The following OPCML variants were observed in gnomAD, a reference collection of about 807,000 sequenced individuals.
The protein encoded by OPCML is opioid-binding protein/cell adhesion molecule.
Under a neutral mutation model 37.8 loss-of-function variants are expected in OPCML, and 13 were observed. The ratio of observed to expected loss-of-function variants is 0.34; its 90% CI spans 0.22 to 0.55. The LOEUF (loss-of-function observed/expected upper bound fraction) is 0.55. Ranked by LOEUF, OPCML falls within the 20% of genes least tolerant of loss-of-function variation. The probability of loss-of-function intolerance (pLI) is 0.91; values close to 1 mark genes in which losing one functional copy is unlikely to be tolerated. For missense variants in OPCML, 341 were observed against 435.6 expected (o/e 0.78, Z 1.93); for synonymous variants, 176 against 168.8 (o/e 1.04, Z -0.33).
At chr11:132,879,451 G>T (rs1215591458) in intron 2 of OPCML, among the ~76,000 whole-genome samples, 1 of 152,166 alleles carries the variant, frequency 6.6e-6, no homozygotes, top group Non-Finnish European at 1.5e-5. Context: ...AAGATGAGGT[G>T]TTATTACAAT....
intron 4 of OPCML, among the ~76,000 whole-genome samples, chr11:132,461,120 T>C (rs1012833248): frequency 1.3e-5 from 2 of 151,930 alleles, no homozygotes; most frequent in Non-Finnish European, 2.9e-5. Flanking sequence ...AAGTATTTGG[T>C]ATTTGGTCTT....
chr11:132,484,027 A>C (rs2096190602), intron 4 of OPCML, among the ~76,000 whole-genome samples: 1 of 152,178 alleles, frequency 6.6e-6, no homozygotes, highest in African/African-American at 2.4e-5. Flanking sequence ...CATGTCTAAA[A>C]CACCAAAAGC....
intron 1 of OPCML, among the ~76,000 whole-genome samples, chr11:133,528,299 G>A (rs1318238281): frequency 6.6e-6 from 1 of 152,184 alleles, no homozygotes; most frequent in Non-Finnish European, 1.5e-5. Flanking sequence ...TTAACATGTC[G>A]ATCATTTTTA....
Position 132,418,658 on chromosome 11 carries a change from A to G in OPCML, c.*1535T>C, listed in dbSNP as rs1474992975. The G allele has an allele frequency of 6.6e-6, 1 of 152,544 alleles. No individual in the cohort carries two copies. The highest frequency in any genetic ancestry group is 1.5e-5 in the Non-Finnish European group (1 of 68,038). The allele number at this position is 152,544 out of a possible 1,614,324, so 9.4% of individuals were successfully genotyped here. On this transcript the variant is annotated 3_prime_UTR_variant, in exon 8 of 8. Coordinates refer to ENST00000524381, the MANE Select transcript of OPCML (RefSeq NM_001012393.5). ...TGTAATTGGCCTCCATCAGCTTTTTACTGGATAGTTTTCAAACAGATTAAA... is the reference window on the plus strand; with the variant it reads ...TGTAATTGGCCTCCATCAGCTTTTTGCTGGATAGTTTTCAAACAGATTAAA...
At chr11:132,693,180 A>G (rs1943470988) in intron 2 of OPCML, among the ~76,000 whole-genome samples, 1 of 152,200 alleles carries the variant, frequency 6.6e-6, no homozygotes, top group Non-Finnish European at 1.5e-5. Flanking sequence ...GTACAAGAGC[A>G]AATAAGGATA....
chr11:132,673,311 C>T (rs772656114), intron 2 of OPCML, among the ~76,000 whole-genome samples: 1 of 152,034 alleles, frequency 6.6e-6, no homozygotes, highest in South Asian at 2.1e-4. Flanking sequence ...TGATGATGAT[C>T]GTGATGGTGG....
chr11:132,803,994 A>G (rs1938844499), intron 2 of OPCML, among the ~76,000 whole-genome samples: 1 of 152,244 alleles, frequency 6.6e-6, no homozygotes, highest in African/African-American at 2.4e-5. Flanking sequence ...CATTACATAA[A>G]TAATTTTCAC....
intron 1 of OPCML, among the ~76,000 whole-genome samples, chr11:133,033,906 T>C (rs1357469350): frequency 6.6e-6 from 1 of 151,414 alleles, no homozygotes; most frequent in East Asian, 2.0e-4. Flanking sequence ...TGGTTCAAAA[T>C]TAAGTAATTT....
At chr11:132,681,297 C>A (rs574563836) in intron 2 of OPCML, among the ~76,000 whole-genome samples, 1 of 152,264 alleles carries the variant, frequency 6.6e-6, no homozygotes, top group Non-Finnish European at 1.5e-5. Context: ...CAAAACCATC[C>A]CTGGCCTGCC....
intron 1 of OPCML, among the ~76,000 whole-genome samples, chr11:133,357,094 C>T (rs901909794): frequency 2.0e-5 from 3 of 152,198 alleles, no homozygotes; most frequent in Non-Finnish European, 4.4e-5. Flanking sequence ...GGCCACTTCT[C>T]GCAGTGCTCC....
At chr11:133,036,125 A>T (rs1947779279) in intron 1 of OPCML, among the ~76,000 whole-genome samples, 1 of 152,216 alleles carries the variant, frequency 6.6e-6, no homozygotes, top group Non-Finnish European at 1.5e-5. Flanking sequence ...GTCTACTTAA[A>T]ATGTCAAAGT....
rs141301872 is a variant in OPCML at position 133,369,514 on chromosome 11, G to T, written c.61+162750C>A. Reference sequence around the variant, plus strand: ...TAGCAGTAAATAATCTAATCAAAACGCAGAGCCAGTTGGCATATCTCTACT... The same window carrying T: ...TAGCAGTAAATAATCTAATCAAAACTCAGAGCCAGTTGGCATATCTCTACT... On this transcript the variant is annotated intron_variant, in intron 1 of 7. Transcript: ENST00000524381. 3.1e-3 allele frequency among the ~76,000 whole-genome samples: 470 copies of T among 152,266 alleles called. 2 individuals are homozygous for T. The highest frequency in any genetic ancestry group is 9.9e-3 in the African/African-American group (412 of 41,540).
chr11:132,433,241 T>C (rs984397073), intron 7 of OPCML, among the ~76,000 whole-genome samples: 1 of 152,126 alleles, frequency 6.6e-6, no homozygotes, highest in Non-Finnish European at 1.5e-5. Flanking sequence ...CGGGTACCAG[T>C]AGAAACACGA....
chr11:132,557,409 C>T (rs1429569415), intron 3 of OPCML, among the ~76,000 whole-genome samples: 2 of 152,098 alleles, frequency 1.3e-5, no homozygotes, highest in Non-Finnish European at 2.9e-5. Context: ...CTTGATTAAC[C>T]CTGCAGTTGG....
intron 4 of OPCML, among the ~76,000 whole-genome samples, chr11:132,460,959 T>G (rs77261891): frequency 0.1 from 15,723 of 152,122 alleles, 2,310 homozygotes; most frequent in African/African-American, 0.33. Context: ...AAGCATTTCA[T>G]GAATTAAATG....
intron 2 of OPCML, among the ~76,000 whole-genome samples, chr11:132,912,381 C>T (rs373332156): frequency 7.0e-4 from 106 of 152,216 alleles, no homozygotes; most frequent in Middle Eastern, 6.8e-3. Flanking sequence ...ATATGAGTCA[C>T]CAGGATACAA....
At chr11:132,947,473 G>A (rs572753559) in intron 1 of OPCML, among the ~76,000 whole-genome samples, 21 of 152,200 alleles carry the variant, frequency 1.4e-4, no homozygotes, top group Non-Finnish European at 1.0e-4. Context: ...GTGAATAAAC[G>A]GGCTCAACTC....
At chr11:132,578,099 G>A (rs745902262) in intron 3 of OPCML, among the ~76,000 whole-genome samples, 1 of 152,178 alleles carries the variant, frequency 6.6e-6, no homozygotes, top group Non-Finnish European at 1.5e-5. Context: ...TGGTGTCTAA[G>A]TTATGTATGC....
intron 1 of OPCML, among the ~76,000 whole-genome samples, chr11:133,076,627 ACT>A (rs1431259977): frequency 6.6e-6 from 1 of 152,122 alleles, no homozygotes; most frequent in African/African-American, 2.4e-5. Flanking sequence ...TCCTCAGAGC[ACT>A]GTCACAAGTC....
Sources: allele counts gnomAD v4.1 joint callset (sites outside exome capture counted in the v4.1 genomes callset), GRCh38; gene constraint gnomAD v4.1.1; transcripts MANE v1.5; gene names NCBI Gene and HGNC (gene_info 2026-07-23, HGNC 2026-07-21).